KCNJ3: variants seen among roughly 807,000 people sequenced by gnomAD.
The protein encoded by KCNJ3 is potassium inwardly rectifying channel subfamily J member 3, also known as G protein-activated inward rectifier potassium channel 1.
A neutral mutation model predicts 39.2 loss-of-function variants in KCNJ3; 4 were observed. That is an observed-to-expected ratio of 0.10 (90% CI 0.05 to 0.23). KCNJ3 has a LOEUF of 0.23. KCNJ3 is among the 10% of genes least tolerant of loss of function. The pLI is 1.00. For missense variants in KCNJ3, 276 were observed against 634.9 expected (o/e 0.43, Z 6.08); for synonymous variants, 230 against 237.4 (o/e 0.97, Z 0.29).
chr2:154,760,703 G>GCCAACAC (rs1367672448), intron 2 of KCNJ3, among the ~76,000 whole-genome samples: 7 of 150,380 alleles, frequency 4.7e-5, no homozygotes, highest in African/African-American at 1.7e-4. Flanking sequence ...ACAGGCTCAT[G>GCCAACAC]CCAACACCCT....
chr2:154,766,774 T>C (rs1189456430), intron 2 of KCNJ3, among the ~76,000 whole-genome samples: 1 of 152,114 alleles, frequency 6.6e-6, no homozygotes, highest in African/African-American at 2.4e-5. Context: ...CAGGCTGGTC[T>C]CGAACTCCTG....
chr2:154,766,407 G>T (rs1686137170), intron 2 of KCNJ3, among the ~76,000 whole-genome samples: 1 of 152,002 alleles, frequency 6.6e-6, no homozygotes, highest in African/African-American at 2.4e-5. Context: ...AAAGGTTGCA[G>T]GTTTTCTTCT....
chr2:154,741,535 T>G (rs1685654121), intron 2 of KCNJ3, among the ~76,000 whole-genome samples: 2 of 151,984 alleles, frequency 1.3e-5, no homozygotes, highest in South Asian at 2.1e-4. Flanking sequence ...TGTTTTATTG[T>G]TTTTGGGATG....
At chr2:154,731,776 CT>C (rs889947711) in intron 2 of KCNJ3, among the ~76,000 whole-genome samples, 50 of 147,472 alleles carry the variant, frequency 3.4e-4, no homozygotes, top group South Asian at 1.1e-3. Flanking sequence ...ATCTGATTCA[CT>C]TTTTTTTTTA....
intron 2 of KCNJ3, among the ~76,000 whole-genome samples, chr2:154,823,702 TACTC>T (rs779746212): frequency 8.5e-5 from 13 of 152,340 alleles, no homozygotes; most frequent in South Asian, 2.1e-4. Context: ...TCCCCAATCT[TACTC>T]AGCCCAATTT....
In KCNJ3 at chr2:154,699,620, G is replaced by A; in HGVS notation, c.702+143G>A. On this transcript the variant is annotated intron_variant, in intron 1 of 2. Transcript: ENST00000295101. This position sits in a 1 kb window ranked among gnomAD's most constrained non-coding sequence, Gnocchi z 6.4. ...ACTTCCTTTTGGGGGGTTGGGGGTT[G>A]GAGGACTGGGCAAAGAATGCGGTTG... 8.1e-7 allele frequency: 1 copy of A among 1,237,842 alleles called. No individual in the cohort carries two copies. The highest frequency in any genetic ancestry group is 1.1e-6 in the Non-Finnish European group (1 of 916,900). 76.7% of individuals were successfully genotyped at this position (1,237,842 alleles called of 1,614,324 possible). A position where few individuals can be genotyped will look rare whatever the true frequency, so the allele number is the denominator to read the frequency against.
chr2:154,846,358 T>C (rs1317397189), intron 2 of KCNJ3, among the ~76,000 whole-genome samples: 3 of 152,170 alleles, frequency 2.0e-5, no homozygotes, highest in African/African-American at 7.2e-5. Context: ...AATCTTTTAA[T>C]TAATTGGAAC....
At chr2:154,816,274 T>C (rs1469415485) in intron 2 of KCNJ3, among the ~76,000 whole-genome samples, 6 of 152,210 alleles carry the variant, frequency 3.9e-5, no homozygotes, top group Non-Finnish European at 8.8e-5. Flanking sequence ...TATTGGTTGT[T>C]GGGACTTGAT....
At chr2:154,765,212 G>A (rs1324295863) in intron 2 of KCNJ3, among the ~76,000 whole-genome samples, 3 of 152,098 alleles carry the variant, frequency 2.0e-5, no homozygotes, top group African/African-American at 7.2e-5. Context: ...ACTCACCTTC[G>A]ATTGAGAACC....
intron 2 of KCNJ3, among the ~76,000 whole-genome samples, chr2:154,782,860 G>A (rs1309663340): frequency 6.6e-6 from 1 of 152,010 alleles, no homozygotes; most frequent in African/African-American, 2.4e-5. Flanking sequence ...TTTGAGCCAA[G>A]AGCTCTGAAT....
intron 2 of KCNJ3, among the ~76,000 whole-genome samples, chr2:154,737,833 C>A (rs1299698213): frequency 6.6e-6 from 1 of 151,558 alleles, no homozygotes; most frequent in Admixed American, 6.6e-5. Flanking sequence ...AGTGGGGAGA[C>A]GAAATAGTTG....
chr2:154,700,133 A>G (rs749715079), intron 1 of KCNJ3, among the ~76,000 whole-genome samples: 29 of 152,204 alleles, frequency 1.9e-4, no homozygotes, highest in Non-Finnish European at 4.4e-5. Context: ...TTGGAGAAGT[A>G]TTCTTTGAAA....
chr2:154,826,802 CTGTT>C (rs542778342), intron 2 of KCNJ3, among the ~76,000 whole-genome samples: 41 of 152,228 alleles, frequency 2.7e-4, no homozygotes, highest in African/African-American at 8.4e-4. Flanking sequence ...ATGAACCTAT[CTGTT>C]TGTGCACGTG....
At chr2:154,738,621 T>C (rs772526168) in intron 2 of KCNJ3, among the ~76,000 whole-genome samples, 1 of 151,848 alleles carries the variant, frequency 6.6e-6, no homozygotes, top group Non-Finnish European at 1.5e-5. Context: ...GTAGACAATC[T>C]TAAATGTAAC....
intron 1 of KCNJ3, among the ~76,000 whole-genome samples, chr2:154,703,517 TC>T (rs960291641): frequency 1.8e-4 from 27 of 149,740 alleles, no homozygotes; most frequent in Admixed American, 1.7e-3. Flanking sequence ...ATACATATCC[TC>T]CATATATATA....
At chr2:154,757,396 C>G (rs1685959711) in intron 2 of KCNJ3, among the ~76,000 whole-genome samples, 1 of 152,050 alleles carries the variant, frequency 6.6e-6, no homozygotes. Flanking sequence ...TCTAGAGTAT[C>G]AAAAGGAGGA....
chr2:154,774,631 G>T (rs547635360), intron 2 of KCNJ3, among the ~76,000 whole-genome samples: 38 of 152,134 alleles, frequency 2.5e-4, no homozygotes, highest in African/African-American at 8.9e-4. Context: ...ATATTTTCAT[G>T]AAATGTTTAA....
At chr2:154,837,081 G>A (rs751054966) in intron 2 of KCNJ3, among the ~76,000 whole-genome samples, 5 of 152,126 alleles carry the variant, frequency 3.3e-5, no homozygotes, top group Non-Finnish European at 2.9e-5. Flanking sequence ...GTGTGTAAGT[G>A]TATCAAAATG....
chr2:154,747,967 T>C (rs1685776048), intron 2 of KCNJ3, among the ~76,000 whole-genome samples: 1 of 151,794 alleles, frequency 6.6e-6, no homozygotes, highest in Non-Finnish European at 1.5e-5. Flanking sequence ...ATGTTCTTCC[T>C]CAAGTTTTCT....
Sources: allele counts gnomAD v4.1 joint callset (sites outside exome capture counted in the v4.1 genomes callset), GRCh38; gene constraint gnomAD v4.1.1; non-coding constraint Gnocchi (gnomAD v3.1); transcripts MANE v1.5; gene names NCBI Gene and HGNC (gene_info 2026-07-23, HGNC 2026-07-21).